The following P2RY12 variants were observed in gnomAD, a reference collection of about 807,000 sequenced individuals.
P2RY12 encodes P2Y purinoceptor 12.
A neutral mutation model predicts 4.5 loss-of-function variants in P2RY12; 3 were observed. That is an observed-to-expected ratio of 0.67 (90% CI 0.31 to 1.74). P2RY12 has a LOEUF of 1.74. P2RY12 is among the 40% of genes most tolerant of loss of function. The pLI is 0.09. For missense variants in P2RY12, 356 were observed against 407.8 expected (o/e 0.87, Z 1.09); for synonymous variants, 148 against 154.1 (o/e 0.96, Z 0.29).
At chr3:151,375,716 C>G (rs1248548996) in intron 1 of P2RY12, among the ~76,000 whole-genome samples, 1 of 151,990 alleles carries the variant, frequency 6.6e-6, no homozygotes, top group East Asian at 1.9e-4. Context: ...TTAGAAAAAA[C>G]TGACACAAAA....
At chr3:151,383,739 T>C (rs1712825720) in intron 1 of P2RY12, 3 of 1,370,714 alleles carry the variant, frequency 2.2e-6, no homozygotes, top group Non-Finnish European at 3.1e-6. Flanking sequence ...TTCTTTCTGT[T>C]TTACAGAATG....
chr3:151,379,559 C>T (rs924581829), intron 1 of P2RY12, among the ~76,000 whole-genome samples: 14 of 152,256 alleles, frequency 9.2e-5, no homozygotes, highest in African/African-American at 3.1e-4. Flanking sequence ...CACTAGGGGT[C>T]GCCAGCAAGT....
intron 1 of P2RY12, among the ~76,000 whole-genome samples, chr3:151,365,584 G>T (rs1755174758): frequency 1.3e-5 from 2 of 152,122 alleles, no homozygotes; most frequent in African/African-American, 2.4e-5. Flanking sequence ...TCGTAGCTCA[G>T]ATTTATTCAC....
intron 1 of P2RY12, chr3:151,367,917 T>A (rs1755487158): frequency 2.0e-6 from 2 of 1,000,326 alleles, no homozygotes; most frequent in South Asian, 3.4e-5. Flanking sequence ...ATTTTAATAG[T>A]TATTTTATAC....
At chr3:151,372,965 A>G in intron 1 of P2RY12, among the ~76,000 whole-genome samples, 1 of 152,160 alleles carries the variant, frequency 6.6e-6, no homozygotes, top group Non-Finnish European at 1.5e-5. Context: ...GGATTTACTA[A>G]TTTTTACATT....
chr3:151,384,111 C>G lies in P2RY12; in HGVS notation c.-180+581G>C, dbSNP rs751380586. 7.4e-6 allele frequency: 12 copies of G among 1,613,702 alleles called. No homozygotes were observed. Among genetic ancestry groups the G allele is most frequent in the East Asian group, 4.5e-5 (2 of 44,850 alleles). On this transcript the variant is annotated intron_variant, in intron 1 of 2. Transcript: ENST00000302632. ...ATTATTCACAACAGTTCTTGACATG[C>G]TGGGTGTTTTAATCAATGGAACGTT... is the stretch of plus-strand genomic sequence containing the variant.
In P2RY12 at chr3:151,366,128, G is replaced by A. The variant is rs182946706; in HGVS notation, c.-180+18564C>T. ...ATATTTTTTCTTTCTCTGTCCAAAA[G>A]CAGTAAACCACAATGACATTGCCAG... On this transcript the variant is annotated intron_variant, in intron 1 of 2. Coordinates refer to ENST00000302632, the MANE Select transcript of P2RY12 (RefSeq NM_022788.5). 4.4e-3 allele frequency: 2,995 copies of A among 684,918 alleles called. 13 individuals carry two copies. The highest frequency in any genetic ancestry group is 5.8e-3 in the Non-Finnish European group (2,696 of 463,584). 42.4% of individuals were successfully genotyped at this position (684,918 alleles called of 1,614,324 possible). A position where few individuals can be genotyped will look rare whatever the true frequency, so the allele number is the denominator to read the frequency against.
intron 1 of P2RY12, among the ~76,000 whole-genome samples, chr3:151,348,573 C>CTTT (rs542135245): frequency 7.6e-6 from 1 of 132,390 alleles, no homozygotes. Flanking sequence ...CTCCTAGCTT[C>CTTT]TTTTTTTTTT....
intron 1 of P2RY12, among the ~76,000 whole-genome samples, chr3:151,343,238 C>G (rs1752098291): frequency 6.6e-6 from 1 of 152,100 alleles, no homozygotes; most frequent in African/African-American, 2.4e-5. Flanking sequence ...TGAAACAAGG[C>G]TTATTCAAGA....
chr3:151,377,072 G>C, intron 1 of P2RY12: 1 of 1,614,112 alleles, frequency 6.2e-7, no homozygotes, highest in Non-Finnish European at 8.5e-7. Context: ...GCAGTCTGCA[G>C]ACCTAAATAA....
In P2RY12 at chr3:151,354,007, G is replaced by A. The variant is rs1013258413; in HGVS notation, c.-179-13247C>T. ...ATACAAAAAATTAGCCGGGCGTAGT[G>A]GCGGGCGCCTGTAGTCCCAGCTACT... On this transcript the variant is annotated intron_variant, in intron 1 of 2. Coordinates refer to ENST00000302632, the MANE Select transcript of P2RY12 (RefSeq NM_022788.5). 7.3e-5 allele frequency among the ~76,000 whole-genome samples: 8 copies of A among 109,892 alleles called. No homozygotes were observed. In the South Asian group the frequency reaches 2.2e-3, roughly 30 times the overall value. 72.1% of individuals were successfully genotyped at this position (109,892 alleles called of 152,430 possible). A position where few individuals can be genotyped will look rare whatever the true frequency, so the allele number is the denominator to read the frequency against.
rs1367608425 is a variant in P2RY12, at chr3:151,342,980, G to A, written c.-179-2220C>T. Among the ~76,000 whole-genome samples the A allele has an allele frequency of 4.6e-5, 7 of 152,056 alleles. 1 individual carries two copies. In the South Asian group the frequency reaches 1.4e-3, roughly 31 times the overall value. On this transcript the variant is annotated intron_variant, in intron 1 of 2. Coordinates refer to ENST00000302632, the MANE Select transcript of P2RY12 (RefSeq NM_022788.5). ...AAGAGCAGAGCAGTGAAGTTAGATG[G>A]AGACCCCATTCTGACCTGTGCTGTC... is the stretch of plus-strand genomic sequence containing the variant.
At chr3:151,361,293 G>GT (rs1007870989) in intron 1 of P2RY12, among the ~76,000 whole-genome samples, 1 of 151,932 alleles carries the variant, frequency 6.6e-6, no homozygotes, top group Non-Finnish European at 1.5e-5. Context: ...GTGTTAATGA[G>GT]TTTTTTTAAA....
In P2RY12 at chr3:151,372,730, A is replaced by C. The variant is rs1265891074; in HGVS notation, c.-180+11962T>G. On this transcript the variant is annotated intron_variant, in intron 1 of 2. Coordinates refer to ENST00000302632, the MANE Select transcript of P2RY12 (RefSeq NM_022788.5). ...CCATAGAAACTGCCAATTTAAGAGA[A>C]TACGCTAGATATGTACTGAGGACTA... 6.2e-7 allele frequency: 1 copy of C among 1,613,874 alleles called. No homozygotes were observed.
intron 1 of P2RY12, among the ~76,000 whole-genome samples, chr3:151,357,047 A>G (rs766447896): frequency 6.6e-6 from 1 of 152,252 alleles, no homozygotes; most frequent in Non-Finnish European, 1.5e-5. Context: ...TCTAGACAGA[A>G]GAACAACTCT....
chr3:151,366,400 G>C (rs190995794), intron 1 of P2RY12, among the ~76,000 whole-genome samples: 38 of 152,278 alleles, frequency 2.5e-4, no homozygotes, highest in South Asian at 8.3e-4. Context: ...AGTGCAAGGC[G>C]CAGTATACAA....
chr3:151,365,143 A>C, intron 1 of P2RY12: 1 of 1,614,102 alleles, frequency 6.2e-7, no homozygotes, highest in Non-Finnish European at 8.5e-7. Context: ...AATGCGGCCA[A>C]TCGCTACAGC....
intron 1 of P2RY12, among the ~76,000 whole-genome samples, chr3:151,354,896 T>C (rs1276389028): frequency 6.6e-6 from 1 of 152,170 alleles, no homozygotes; most frequent in African/African-American, 2.4e-5. Context: ...TGTCAGGATT[T>C]TGATCTCCTA....
chr3:151,342,875 G>A (rs745498847), intron 1 of P2RY12, among the ~76,000 whole-genome samples: 1 of 152,040 alleles, frequency 6.6e-6, no homozygotes, highest in Admixed American at 6.6e-5. Flanking sequence ...ACACTGTCAT[G>A]GATTAACTCA....
Sources: gnomAD v4.1 joint callset for allele counts (sites outside exome capture counted in the v4.1 genomes callset) on GRCh38, gnomAD v4.1.1 for gene constraint, MANE v1.5 for transcripts, NCBI Gene and HGNC (gene_info 2026-07-23, HGNC 2026-07-21) for gene names.